Variants in DNAI3 observed in about 807,000 individuals in gnomAD.
The protein encoded by DNAI3 is dynein axonemal intermediate chain 3.
A neutral mutation model predicts 115.5 loss-of-function variants in DNAI3; 83 were observed. That is an observed-to-expected ratio of 0.72 (90% CI 0.60 to 0.86). The LOEUF (loss-of-function observed/expected upper bound fraction) is 0.86, where lower values mean the gene tolerates loss of function less well. Ranked by LOEUF, DNAI3 falls within the 40% of genes least tolerant of loss-of-function variation. The pLI is 0.00. For synonymous variants in DNAI3, 320 were observed against 347.0 expected (o/e 0.92, Z 0.86); for missense variants, 1,004 against 1,075.8 (o/e 0.93, Z 0.93).
At chr1:85,126,476 CTTCT>C in intron 19 of DNAI3, 31 bp from the exon 20 acceptor site, 1 of 1,580,746 alleles carries the variant, frequency 6.3e-7, no homozygotes. Context: ...ATAACAAAAT[CTTCT>C]TTATTTGTCT....
chr1:85,086,972 G>A (rs191067193), intron 7 of DNAI3, among the ~76,000 whole-genome samples: 2 of 151,952 alleles, frequency 1.3e-5, no homozygotes, highest in East Asian at 3.9e-4. Flanking sequence ...AGTTCTCCCT[G>A]CTCATCCATC....
intron 8 of DNAI3, among the ~76,000 whole-genome samples, chr1:85,092,829 A>G (rs906748406): frequency 6.7e-6 from 1 of 150,094 alleles, no homozygotes; most frequent in Non-Finnish European, 1.5e-5. Context: ...ACACACACAC[A>G]CACACACTTC....
At chr1:85,067,465 C>T (rs1434949558) in intron 1 of DNAI3, among the ~76,000 whole-genome samples, 1 of 152,156 alleles carries the variant, frequency 6.6e-6, no homozygotes, top group Non-Finnish European at 1.5e-5. Flanking sequence ...TTAATAGCAG[C>T]GTTTGAAAAG....
chr1:85,106,242 A>G (rs1469026263), intron 14 of DNAI3, among the ~76,000 whole-genome samples: 1 of 152,226 alleles, frequency 6.6e-6, no homozygotes, highest in Non-Finnish European at 1.5e-5. Context: ...AGTGCAAGCA[A>G]TGAAAGAAAA....
intron 18 of DNAI3, among the ~76,000 whole-genome samples, chr1:85,123,636 C>T (rs749274773): frequency 6.6e-5 from 10 of 152,272 alleles, no homozygotes; most frequent in Non-Finnish European, 1.3e-4. Context: ...ATTACAAATC[C>T]TCTTGTTATT....
At chr1:85,114,779 A>T (rs929223188) in intron 16 of DNAI3, among the ~76,000 whole-genome samples, 1 of 152,142 alleles carries the variant, frequency 6.6e-6, no homozygotes, top group African/African-American at 2.4e-5. Context: ...TGACTGTATC[A>T]CAAGTCCTCG....
At chr1:85,068,098 G>C (rs1654152815) in intron 1 of DNAI3, among the ~76,000 whole-genome samples, 1 of 151,360 alleles carries the variant, frequency 6.6e-6, no homozygotes, top group African/African-American at 2.4e-5. Context: ...TGGCAGAAGG[G>C]AAGGAGGACC....
intron 16 of DNAI3, among the ~76,000 whole-genome samples, chr1:85,116,241 T>C (rs1655812662): frequency 6.6e-6 from 1 of 152,208 alleles, no homozygotes; most frequent in Non-Finnish European, 1.5e-5. Context: ...ATCTACCCTA[T>C]CCAAGTCAAT....
rs547416067 is a variant in DNAI3, at chr1:85,070,118, G to A, written c.-14-1810G>A. ...TCTACTAAAAATACAAAAATTAGCCGGGCGTGCTGGCGTGCACCTGTAGTC... is the reference window on the plus strand; with the variant it reads ...TCTACTAAAAATACAAAAATTAGCCAGGCGTGCTGGCGTGCACCTGTAGTC... On this transcript the variant is annotated intron_variant, in intron 1 of 22. Transcript: ENST00000294664. 1.5e-4 allele frequency among the ~76,000 whole-genome samples: 23 copies of A among 152,116 alleles called. No homozygotes were observed. The South Asian group carries it at 3.3e-3, about 22-fold the overall frequency.
chr1:85,084,857 G>T (rs1654752777), intron 6 of DNAI3, among the ~76,000 whole-genome samples, 162 bp downstream of exon 6: 1 of 151,930 alleles, frequency 6.6e-6, no homozygotes, highest in African/African-American at 2.4e-5. Flanking sequence ...TCTTAAGTGG[G>T]TGTTATGAGT....
chr1:85,081,240 C>A lies in DNAI3; in HGVS notation c.110C>A (p.Pro37Gln). Residue 37 changes from proline (P) to glutamine (Q), a missense_variant, in exon 4 of 23, where the codon CCA becomes CAA. By Grantham distance (76) the Pro-to-Gln change is moderately conservative (BLOSUM62 -1). Transcript: ENST00000294664. ...EPVNMESMGH[P>Q]EIYPLVLTTK... Reference sequence around the variant, plus strand: ...TCCACTTTGTCTTTCCTAGGTCATCCAGAAATTTATCCTTTAGTATTAACC... The same window carrying A: ...TCCACTTTGTCTTTCCTAGGTCATCAAGAAATTTATCCTTTAGTATTAACC... 6.4e-7 allele frequency: 1 copy of A among 1,569,890 alleles called. No homozygotes were observed. The highest frequency in any genetic ancestry group is 1.2e-5 in the South Asian group (1 of 81,166).
At chr1:85,069,409 C>T (rs1654198337) in intron 1 of DNAI3, among the ~76,000 whole-genome samples, 1 of 152,162 alleles carries the variant, frequency 6.6e-6, no homozygotes, top group African/African-American at 2.4e-5. Context: ...GTTCTGTCTT[C>T]CCCTAGAATG....
rs764166475 is a variant in DNAI3 at position 85,082,396 on chromosome 1, T to G, written c.382T>G (p.Tyr128Asp). 2.2e-5 allele frequency: 36 copies of G among 1,611,422 alleles called. No homozygotes were observed. The highest frequency in any genetic ancestry group is 3.0e-5 in the Non-Finnish European group (35 of 1,177,856). ...LIATEEGKEN[Y>D]LNPPEVPEEQ... The stretch of plus-strand genomic sequence containing the variant: ...TGCAACTGAAGAGGGCAAAGAAAAC[T>G]ATTTAAATGTGAGCAAACCCCAAGC... The change falls in exon 5 of 23, where the codon TAT becomes GAT. Residue 128 changes from tyrosine to aspartate, a missense_variant. Physicochemically the swap from Tyr to Asp is radical, Grantham distance 160. Coordinates refer to ENST00000294664, the MANE Select transcript of DNAI3 (RefSeq NM_145172.5).
intron 19 of DNAI3, 25 bp downstream of exon 19, chr1:85,124,276 A>G (rs2100614445): frequency 6.2e-7 from 1 of 1,614,130 alleles, no homozygotes; most frequent in Non-Finnish European, 8.5e-7. Context: ...AAATGGAAGC[A>G]TGAGTGTGTG....
At position 85,066,454 on chromosome 1, in the gene DNAI3, G is replaced by A. The variant is rs1413776077; in HGVS notation, c.-15+3968G>A. Among the ~76,000 whole-genome samples, 3 of 148,796 alleles carry A rather than the reference G, an allele frequency of 2.0e-5. No homozygotes were observed. In the Admixed American group the frequency reaches 2.1e-4, roughly 10 times the overall value. On this transcript the variant is annotated intron_variant, in intron 1 of 22. Transcript: ENST00000294664. ...CCATTCTCCTGTCTCAGCCTCCCGA[G>A]TAGCTGAGACTACAGGCGCCTGCCA...
At chr1:85,082,727 G>A (rs538728771) in intron 5 of DNAI3, among the ~76,000 whole-genome samples, 1 of 152,338 alleles carries the variant, frequency 6.6e-6, no homozygotes, top group Middle Eastern at 3.4e-3. Flanking sequence ...ACATAGTGAT[G>A]ATTATTCTTG....
chr1:85,132,902 G>A lies in DNAI3; in HGVS notation c.2580G>A (p.Met860Ile), dbSNP rs780731458. 1 of 1,613,846 alleles carries A rather than the reference G, an allele frequency of 6.2e-7. No homozygotes were observed. The highest frequency in any genetic ancestry group is 8.5e-7 in the Non-Finnish European group (1 of 1,179,898). The change falls in exon 23 of 23, where the codon ATG (methionine) becomes ATA (isoleucine). Residue 860 changes from methionine to isoleucine, a missense_variant. Physicochemically the swap from Met to Ile is conservative, Grantham distance 10. Transcript: ENST00000294664. ...SKEQMQAELK[M>I]DYESYLELEK... ...AACAAATGCAGGCTGAATTAAAAAT[G>A]GACTATGAGAGTTATCTGGAACTGG...
rs1225726526 is a variant in DNAI3 at position 85,098,607 on chromosome 1, T to C, written c.1428T>C (p.Asn476=). Residue 476 remains asparagine (N), a synonymous_variant, in exon 13 of 23, where the codon AAT becomes AAC. Coordinates refer to ENST00000294664, the MANE Select transcript of DNAI3 (RefSeq NM_145172.5). The part of the protein sequence containing the change: ...IRHCAVSSIE[N]GHKKVITDIH... ...ACTGTGCAGTCTCTTCAATAGAAAATGGACATAAGAAAGTAATTACAGATA... is the reference window on the plus strand; with the variant it reads ...ACTGTGCAGTCTCTTCAATAGAAAACGGACATAAGAAAGTAATTACAGATA... The C allele has an allele frequency of 1.9e-6, 3 of 1,613,434 alleles. No homozygotes were observed. Among genetic ancestry groups the C allele is most frequent in the Admixed American group, 1.7e-5 (1 of 59,976 alleles).
intron 17 of DNAI3, among the ~76,000 whole-genome samples, chr1:85,120,563 T>C (rs529515836): frequency 6.6e-6 from 1 of 152,358 alleles, no homozygotes; most frequent in African/African-American, 2.4e-5. Context: ...CATTGTTTCA[T>C]GTACTGGCTA....
Sources: allele counts gnomAD v4.1 joint callset (sites outside exome capture counted in the v4.1 genomes callset), GRCh38; gene constraint gnomAD v4.1.1; transcripts MANE v1.5; gene names NCBI Gene and HGNC (gene_info 2026-07-23, HGNC 2026-07-21).